The following SART3 variants were observed in gnomAD, a reference collection of about 807,000 sequenced individuals.
The protein encoded by SART3 is spliceosome associated factor 3, U4/U6 recycling protein.
SART3 carries 44 observed loss-of-function variants against 122.3 expected under a neutral mutation model. The observed-to-expected ratio is 0.36, with a 90% CI of 0.28 to 0.46. The LOEUF is 0.46. Ranked by LOEUF, SART3 falls within the 20% of genes least tolerant of loss-of-function variation. SART3 has a pLI of 1.00. For missense variants in SART3, 1,101 were observed against 1,229.0 expected (o/e 0.90, Z 1.56); for synonymous variants, 442 against 454.0 (o/e 0.97, Z 0.34).
chr12:108,560,598 C>A, intron 1 of SART3: 1 of 469,188 alleles, frequency 2.1e-6, no homozygotes, highest in South Asian at 4.5e-5. Context: ...CAGTTTCCTC[C>A]AGTAAAATGG....
At chr12:108,531,509 AG>A in intron 13 of SART3, 1 of 503,150 alleles carries the variant, frequency 2.0e-6, no homozygotes. Context: ...TGATCTATTA[AG>A]GGCTCTAAAT....
At chr12:108,544,360 C>G (rs910481954) in intron 5 of SART3, 67 bp downstream of exon 5, 12 of 1,363,296 alleles carry the variant, frequency 8.8e-6, no homozygotes, top group Non-Finnish European at 1.3e-5. Context: ...GGTCTAACTA[C>G]ATGTTGTTCC....
intron 6 of SART3, among the ~76,000 whole-genome samples, chr12:108,540,630 A>C (rs1565862847): frequency 1.6e-5 from 2 of 121,620 alleles, no homozygotes; most frequent in African/African-American, 3.0e-5. Flanking sequence ...ATCCGATGGA[A>C]GCATTGAAGG....
intron 1 of SART3, 83 bp from the exon 2 acceptor site, chr12:108,549,297 T>A: frequency 1.4e-6 from 2 of 1,407,880 alleles, no homozygotes; most frequent in Admixed American, 1.8e-5. Flanking sequence ...ACTACACATA[T>A]ACCTGCCACA....
chr12:108,549,243 T>C, intron 1 of SART3, 29 bp from the exon 2 acceptor site: 1 of 1,613,036 alleles, frequency 6.2e-7, no homozygotes, highest in Non-Finnish European at 8.5e-7. Context: ...AGTTGAAATT[T>C]AAAACACCGT....
intron 3 of SART3, 101 bp from the exon 4 acceptor site, chr12:108,545,424 C>T: frequency 9.3e-7 from 1 of 1,074,104 alleles, no homozygotes; most frequent in South Asian, 1.3e-5. Flanking sequence ...AGTACTCAGA[C>T]AGCAGCACTA....
chr12:108,544,020 T>C (rs999802142), intron 5 of SART3, among the ~76,000 whole-genome samples: 3 of 152,220 alleles, frequency 2.0e-5, no homozygotes, highest in Admixed American at 1.3e-4. Flanking sequence ...TCTAAACTCA[T>C]GTAAAATTCC....
At position 108,538,166 on chromosome 12, in the gene SART3, A is replaced by C; in HGVS notation, c.1100T>G (p.Val367Gly). ...GCAGTTTCTAATAGCGCGGTTATGT[A>C]CAGATAAAACCAAATCCTTTACTTT... ...QLKVKDLVLSVHNRAIRNCPW... is the reference protein window; with the variant it reads ...QLKVKDLVLSGHNRAIRNCPW... The change falls in exon 8 of 19, where the codon GTA becomes GGA. Residue 367 changes from valine (V) to glycine (G), a missense_variant. Val to Gly is a moderately radical substitution (Grantham distance 109, BLOSUM62 -3). Coordinates refer to ENST00000546815, the MANE Select transcript of SART3 (RefSeq NM_014706.4). 1 of 1,614,244 alleles carries C rather than the reference A, an allele frequency of 6.2e-7. No homozygotes were observed. Among genetic ancestry groups the C allele is most frequent in the Non-Finnish European group, 8.5e-7 (1 of 1,180,030 alleles).
At chr12:108,537,777 C>T in intron 8 of SART3, 182 bp from the exon 9 acceptor site, 1 of 666,150 alleles carries the variant, frequency 1.5e-6, no homozygotes, top group East Asian at 2.7e-5. Flanking sequence ...AGACTGTGTT[C>T]TAGAAAAAAC....
At chr12:108,531,157 C>T (rs1872662767) in intron 14 of SART3, 47 bp downstream of exon 14, 1 of 1,504,130 alleles carries the variant, frequency 6.6e-7, no homozygotes, top group Non-Finnish European at 9.3e-7. Context: ...CCAAACTGAG[C>T]CAAAATAGCT....
intron 12 of SART3, among the ~76,000 whole-genome samples, chr12:108,532,783 C>T (rs1355212845): frequency 6.6e-6 from 1 of 151,094 alleles, no homozygotes; most frequent in East Asian, 1.9e-4. Context: ...AAGGGAGTCT[C>T]GCTCTTGTCA....
chr12:108,536,000 A>T (rs1292557772), intron 11 of SART3, among the ~76,000 whole-genome samples: 1 of 152,226 alleles, frequency 6.6e-6, no homozygotes, highest in Non-Finnish European at 1.5e-5. Context: ...TAGAATTGTT[A>T]CAATCCTACC....
intron 1 of SART3, among the ~76,000 whole-genome samples, chr12:108,550,013 C>CAAA (rs10572379): frequency 3.4e-5 from 3 of 88,236 alleles, no homozygotes; most frequent in Admixed American, 1.3e-4. Flanking sequence ...GACCCAATCT[C>CAAA]AAAAAAAAAA....
chr12:108,532,058 A>AGGAG, intron 13 of SART3, 164 bp downstream of exon 13: 1 of 651,838 alleles, frequency 1.5e-6, no homozygotes, highest in Non-Finnish European at 2.8e-6. Context: ...GAAGAGCTGC[A>AGGAG]GGAGGACTCA....
chr12:108,526,264 G>C lies in SART3; in HGVS notation c.2205C>G (p.Ile735Met). 1 of 1,614,224 alleles carries C rather than the reference G, an allele frequency of 6.2e-7. No homozygotes were observed. The highest frequency in any genetic ancestry group is 2.2e-5 in the East Asian group (1 of 44,880). The change falls in exon 16 of 19, where the codon ATC becomes ATG. Residue 735 changes from isoleucine to methionine, a missense_variant. Ile to Met is a conservative substitution (Grantham distance 10). Coordinates refer to ENST00000546815, the MANE Select transcript of SART3 (RefSeq NM_014706.4). Reference protein sequence around the residue: ...LFEACGEVVQIRPIFSNRGDF... With the variant: ...LFEACGEVVQMRPIFSNRGDF... ...CCCCACGGTTGCTGAAGATGGGTCG[G>C]ATCTGGACCACCTCCCCACAGGCCT...
chr12:108,547,143 T>C (rs922772518), intron 3 of SART3, among the ~76,000 whole-genome samples: 5 of 152,230 alleles, frequency 3.3e-5, no homozygotes, highest in African/African-American at 7.2e-5. Flanking sequence ...TAAAAGCATT[T>C]TGTCCACAGC....
intron 17 of SART3, 141 bp downstream of exon 17, chr12:108,525,316 A>T: frequency 1.2e-6 from 1 of 826,196 alleles, no homozygotes; most frequent in Non-Finnish European, 2.0e-6. Flanking sequence ...AGCTAAGTGC[A>T]GATCTTTCTG....
chr12:108,541,750 G>C (rs1873173943), intron 6 of SART3, among the ~76,000 whole-genome samples: 1 of 152,044 alleles, frequency 6.6e-6, no homozygotes, highest in Admixed American at 6.5e-5. Flanking sequence ...ATGTTGGCCA[G>C]GCTGGTCTCA....
At chr12:108,536,408 G>A in intron 11 of SART3, 106 bp downstream of exon 11, 3 of 1,100,212 alleles carry the variant, frequency 2.7e-6, no homozygotes, top group South Asian at 1.2e-5. Context: ...AATCCTTATA[G>A]AGCTTAGGCC....
Sources: allele counts gnomAD v4.1 joint callset (sites outside exome capture counted in the v4.1 genomes callset), GRCh38; gene constraint gnomAD v4.1.1; transcripts MANE v1.5; gene names NCBI Gene and HGNC (gene_info 2026-07-23, HGNC 2026-07-21).